Variants in LYG2 observed in about 807,000 individuals in gnomAD.
LYG2 encodes lysozyme g2.
In LYG2, 25 loss-of-function variants were observed where a neutral mutation model predicts 22.4. The observed-to-expected ratio is 1.12, with a 90% CI of 0.81 to 1.56. LYG2 has a LOEUF of 1.56. Ranked by LOEUF, LYG2 falls within the 40% of genes most tolerant of loss-of-function variation. LYG2 has a pLI of 0.00. For missense variants in LYG2, 266 were observed against 269.5 expected (o/e 0.99, Z 0.09); for synonymous variants, 88 against 97.0 (o/e 0.91, Z 0.55).
chr2:99,246,218 G>A (rs903725677), intron 4 of LYG2, among the ~76,000 whole-genome samples: 1 of 152,176 alleles, frequency 6.6e-6, no homozygotes, highest in Non-Finnish European at 1.5e-5. Context: ...TGTTCTATTG[G>A]GAAGTATTCC....
chr2:99,253,122 A>G (rs1472108087), intron 3 of LYG2, among the ~76,000 whole-genome samples: 1 of 151,492 alleles, frequency 6.6e-6, no homozygotes, highest in East Asian at 1.9e-4. Context: ...ATCTTGCAGT[A>G]TAAGGCGAAA....
intron 5 of LYG2, 129 bp downstream of exon 5, chr2:99,245,133 C>T: frequency 1.0e-6 from 1 of 959,366 alleles, no homozygotes. Context: ...AAAAATTATG[C>T]TGGAGTACCT....
chr2:99,243,831 T>A (rs1482567776), intron 6 of LYG2, 168 bp downstream of exon 6: 2 of 705,964 alleles, frequency 2.8e-6, no homozygotes, highest in African/African-American at 3.6e-5. Flanking sequence ...ATGGAGGACC[T>A]CTCAAAGTAA....
At chr2:99,253,759 TC>T (rs1374138367) in intron 3 of LYG2, among the ~76,000 whole-genome samples, 1 of 152,070 alleles carries the variant, frequency 6.6e-6, no homozygotes, top group Non-Finnish European at 1.5e-5. Context: ...AATTGACATG[TC>T]CCCCCCAAAA....
intron 3 of LYG2, among the ~76,000 whole-genome samples, chr2:99,250,200 C>T (rs1401113637): frequency 2.6e-5 from 4 of 152,108 alleles, no homozygotes; most frequent in Non-Finnish European, 5.9e-5. Context: ...CTCCTGGTAT[C>T]TACATGATCA....
chr2:99,260,706 T>C, the LYG2 span, among the ~76,000 whole-genome samples: 1 of 152,176 alleles, frequency 6.6e-6, no homozygotes, highest in South Asian at 2.1e-4. Context: ...ATAGGATTAT[T>C]TGGTCAGGTA....
rs546258354 is a variant in LYG2 at position 99,254,600 on chromosome 2, A to T, written c.-25-315T>A. Among the ~76,000 whole-genome samples the T allele has an allele frequency of 6.3e-3, 925 of 147,772 alleles. 12 individuals are homozygous for T. The highest frequency in any genetic ancestry group is 0.02 in the African/African-American group (815 of 40,372). ...CCACAATTTTGTTCCCTTTCTTTTTAAAAAAAAAAATACTGATCTTTTCAT... is the reference window on the plus strand; with the variant it reads ...CCACAATTTTGTTCCCTTTCTTTTTTAAAAAAAAAATACTGATCTTTTCAT... On this transcript the variant is annotated intron_variant, in intron 2 of 6. Coordinates refer to ENST00000333017, the MANE Select transcript of LYG2 (RefSeq NM_175735.4).
chr2:99,249,122 T>C (rs1188764323), intron 3 of LYG2, among the ~76,000 whole-genome samples: 2 of 152,202 alleles, frequency 1.3e-5, no homozygotes, highest in Non-Finnish European at 2.9e-5. Context: ...AAATATTTGT[T>C]ATAAGACAGT....
intron 4 of LYG2, among the ~76,000 whole-genome samples, chr2:99,246,065 G>T (rs955080155): frequency 2.0e-5 from 3 of 152,192 alleles, no homozygotes; most frequent in African/African-American, 4.8e-5. Flanking sequence ...CCGAGATCAT[G>T]CCATCGCACT....
chr2:99,249,713 A>G (rs1666126105), intron 3 of LYG2, among the ~76,000 whole-genome samples: 1 of 145,134 alleles, frequency 6.9e-6, no homozygotes, highest in South Asian at 2.3e-4. Context: ...GTGAGCCGAG[A>G]TCGCGCCATT....
intron 3 of LYG2, 145 bp downstream of exon 3, chr2:99,254,073 A>G: frequency 1.4e-6 from 1 of 737,944 alleles, no homozygotes. Context: ...AATTATAGAA[A>G]TAATAGTTGA....
intron 3 of LYG2, among the ~76,000 whole-genome samples, chr2:99,248,270 G>A (rs1422869330): frequency 2.6e-5 from 4 of 152,244 alleles, no homozygotes; most frequent in African/African-American, 9.6e-5. Flanking sequence ...CTGCTATAAA[G>A]ACACATGCAC....
chr2:99,244,233 C>G, intron 5 of LYG2, 96 bp from the exon 6 acceptor site: 1 of 1,245,172 alleles, frequency 8.0e-7, no homozygotes, highest in Non-Finnish European at 1.1e-6. Flanking sequence ...GTCATAGATA[C>G]CGGCCTTTAT....
chr2:99,258,049 G>T (rs77305440), upstream of LYG2, among the ~76,000 whole-genome samples: 830 of 152,248 alleles, frequency 5.5e-3, 52 homozygotes, highest in East Asian at 0.14. Flanking sequence ...AGGCTCCCTT[G>T]GTCCCCTCGC....
At chr2:99,243,380 T>A in intron 6 of LYG2, 1 of 1,531,492 alleles carries the variant, frequency 6.5e-7, no homozygotes, top group Non-Finnish European at 8.8e-7. Context: ...TCCACTTGGA[T>A]ATATAGCACC....
chr2:99,252,672 A>G lies in LYG2; in HGVS notation c.43+1546T>C, dbSNP rs997437103. Among the ~76,000 whole-genome samples the G allele has an allele frequency of 3.9e-5, 6 of 152,268 alleles. No homozygotes were observed. The East Asian group carries it at 1.2e-3, about 29-fold the overall frequency. ...ATATTGACAGGTTCAGTATCCTTTC[A>G]CTGGGAGGCAGTCTTTGCCAGGCTC... On this transcript the variant is annotated intron_variant, in intron 3 of 6. Coordinates refer to ENST00000333017, the MANE Select transcript of LYG2 (RefSeq NM_175735.4).
chr2:99,242,541 G>T, intron 6 of LYG2, 59 bp from the exon 7 acceptor site: 1 of 1,184,022 alleles, frequency 8.4e-7, no homozygotes, highest in Non-Finnish European at 1.2e-6. Flanking sequence ...AATAAGCAAT[G>T]AGCATTGCCA....
chr2:99,246,542 G>C lies in LYG2; in HGVS notation c.184+138C>G, dbSNP rs563527370. 45 of 947,482 alleles carry C rather than the reference G, an allele frequency of 4.7e-5. No individual in the cohort carries two copies. The Admixed American group carries it at 8.7e-4, about 18-fold the overall frequency. The allele number at this position is 947,482 out of a possible 1,614,324, so 58.7% of individuals were successfully genotyped here. A position where few individuals can be genotyped will look rare whatever the true frequency, so the allele number is the denominator to read the frequency against. Reference sequence around the variant, plus strand: ...GCTGGTTGTTAGATTGGTCAGGATTGTGGTTTTTGCTCATTTTTAATTTTG... The same window carrying C: ...GCTGGTTGTTAGATTGGTCAGGATTCTGGTTTTTGCTCATTTTTAATTTTG... On this transcript the variant is annotated intron_variant, in intron 4 of 6. Coordinates refer to ENST00000333017, the MANE Select transcript of LYG2 (RefSeq NM_175735.4).
chr2:99,258,186 A>G (rs940939019), upstream of LYG2, among the ~76,000 whole-genome samples: 11 of 152,242 alleles, frequency 7.2e-5, no homozygotes, highest in Admixed American at 2.6e-4. Context: ...ACAGCCAAGG[A>G]GGATGACCAT....
Sources: allele counts gnomAD v4.1 joint callset (sites outside exome capture counted in the v4.1 genomes callset), GRCh38; gene constraint gnomAD v4.1.1; transcripts MANE v1.5; gene names NCBI Gene and HGNC (gene_info 2026-07-23, HGNC 2026-07-21).